NUP133: variants seen among roughly 807,000 people sequenced by gnomAD.
NUP133 encodes the protein nucleoporin 133.
NUP133 carries 66 observed loss-of-function variants against 146.2 expected under a neutral mutation model. That is an observed-to-expected ratio of 0.45 (90% CI 0.37 to 0.55). The LOEUF (loss-of-function observed/expected upper bound fraction) is 0.55, where lower values mean the gene tolerates loss of function less well. Ranked by LOEUF, NUP133 falls within the 20% of genes least tolerant of loss-of-function variation. The pLI is 0.00. For synonymous variants in NUP133, 521 were observed against 498.8 expected (o/e 1.04, Z -0.59); for missense variants, 1,277 against 1,374.8 (o/e 0.93, Z 1.12).
At chr1:229,484,031 A>G (rs751754095) in intron 12 of NUP133, 23 bp downstream of exon 12, 23 of 1,531,326 alleles carry the variant, frequency 1.5e-5, no homozygotes, top group Non-Finnish European at 2.0e-5. Flanking sequence ...AAAATAATCC[A>G]TAATTTAAAA....
intron 4 of NUP133, 28 bp from the exon 5 acceptor site, chr1:229,499,846 A>G: frequency 1.9e-6 from 3 of 1,604,320 alleles, no homozygotes; most frequent in Non-Finnish European, 2.6e-6. Context: ...ACAATCAGCA[A>G]TCACAATAAA....
chr1:229,483,696 CAAAAAA>C (rs35673633), intron 12 of NUP133, among the ~76,000 whole-genome samples: 2 of 57,536 alleles, frequency 3.5e-5, no homozygotes, highest in African/African-American at 1.0e-4. Context: ...CGGAGTGTCT[CAAAAAA>C]AAAAAAAAAA....
At chr1:229,501,931 G>A in intron 3 of NUP133, 68 bp downstream of exon 3, 1 of 1,150,882 alleles carries the variant, frequency 8.7e-7, no homozygotes, top group South Asian at 1.3e-5. Context: ...AAAAAATTAG[G>A]GTAAAAATGA....
chr1:229,484,253 C>A (rs1661291282), intron 11 of NUP133, 108 bp from the exon 12 acceptor site: 3 of 688,140 alleles, frequency 4.4e-6, no homozygotes, highest in African/African-American at 1.8e-5. Flanking sequence ...TATACACGAG[C>A]TGTTTGCCGT....
intron 25 of NUP133, among the ~76,000 whole-genome samples, chr1:229,442,753 G>C (rs951935208): frequency 6.8e-6 from 1 of 146,030 alleles, no homozygotes; most frequent in African/African-American, 2.5e-5. Context: ...TCACTCTGCT[G>C]GCCAGGCAAT....
In NUP133 at chr1:229,475,977, G is replaced by A. The variant is rs151087408; in HGVS notation, c.1757-245C>T. On this transcript the variant is annotated intron_variant, in intron 13 of 25. Coordinates refer to ENST00000261396, the MANE Select transcript of NUP133 (RefSeq NM_018230.3). ...ACAAAAATTAGCTGAGCGTGGTGGC[G>A]CATGCCTGTAGTCCCAGCTACTCAG... Among the ~76,000 whole-genome samples the A allele has an allele frequency of 6.6e-4, 101 of 152,122 alleles. 1 individual carries two copies. In the East Asian group the frequency reaches 9.5e-3, roughly 14 times the overall value.
At position 229,465,448 on chromosome 1, in the gene NUP133, T is replaced by G; in HGVS notation, c.2271A>C (p.Glu757Asp). ...TCCATGGAACATATTCAGGTTCTTT[T>G]TCTAGTGATTCTTCTCTTCTATACA... ...NSLYRREESL[E>D]KEPEYVPWTA... The change falls in exon 17 of 26, where the codon GAA becomes GAC. Residue 757 changes from glutamate to aspartate, a missense_variant. This residue lies in a region of NUP133 where 952 missense variants were observed against 1,047.0 expected (regional missense o/e 0.91). Transcript: ENST00000261396. 1 of 1,613,294 alleles carries G rather than the reference T, an allele frequency of 6.2e-7. No individual in the cohort carries two copies. Among genetic ancestry groups the G allele is most frequent in the Non-Finnish European group, 8.5e-7 (1 of 1,179,298 alleles).
rs146283095 is a variant in NUP133 at position 229,442,578 on chromosome 1, T to C, written c.3335-538A>G. Among the ~76,000 whole-genome samples the C allele has an allele frequency of 6.6e-4, 100 of 152,174 alleles. No individual in the cohort carries two copies. The East Asian group carries it at 0.014, about 22-fold the overall frequency. On this transcript the variant is annotated intron_variant, in intron 25 of 25. Transcript: ENST00000261396. ...ATACACAATTTTCTCATTTGACAAA[T>C]AGAGAAAACTGGATGAAAATTTTCA...
chr1:229,505,659 G>C (rs1661916666), intron 2 of NUP133, among the ~76,000 whole-genome samples: 1 of 151,716 alleles, frequency 6.6e-6, no homozygotes, highest in South Asian at 2.1e-4. Flanking sequence ...GGCCAAGGAG[G>C]GCAGATCACC....
At position 229,487,523 on chromosome 1, in the gene NUP133, A is replaced by C. The variant is rs777252267; in HGVS notation, c.1285T>G (p.Ser429Ala). The C allele has an allele frequency of 6.2e-7, 1 of 1,613,854 alleles. No individual in the cohort carries two copies. Among genetic ancestry groups the C allele is most frequent in the South Asian group, 1.1e-5 (1 of 90,998 alleles). ...LYNESAVYVCSTGTGKFSLPQ... is the reference protein window; with the variant it reads ...LYNESAVYVCATGTGKFSLPQ... ...AGAGAAAATTTCCCAGTTCCTGTGG[A>C]GCACACATAGACAGCACTTTCGTTA... is the stretch of plus-strand genomic sequence containing the variant. Residue 429 changes from serine (S) to alanine (A), a missense_variant, in exon 10 of 26, where the codon TCC (serine) becomes GCC (alanine). Ser to Ala is a moderately conservative substitution (Grantham distance 99, BLOSUM62 1). Transcript: ENST00000261396.
chr1:229,444,523 A>G (rs528191825), intron 25 of NUP133, among the ~76,000 whole-genome samples: 56 of 152,264 alleles, frequency 3.7e-4, no homozygotes, highest in African/African-American at 1.3e-3. Flanking sequence ...AAAGGAAGCT[A>G]CAAATCTGAA....
intron 15 of NUP133, among the ~76,000 whole-genome samples, chr1:229,469,494 T>A (rs1660904148): frequency 6.6e-6 from 1 of 152,080 alleles, no homozygotes. Flanking sequence ...TCAGTGAAGG[T>A]ACTGTTTGCA....
chr1:229,507,841 C>T, intron 1 of NUP133: 5 of 871,902 alleles, frequency 5.7e-6, no homozygotes, highest in Non-Finnish European at 6.9e-6. Flanking sequence ...TACTTCACTT[C>T]TGCACAAAGG....
chr1:229,480,639 G>A (rs975740570), intron 12 of NUP133, among the ~76,000 whole-genome samples: 9 of 152,304 alleles, frequency 5.9e-5, no homozygotes, highest in East Asian at 1.9e-4. Flanking sequence ...AATGTCTGAC[G>A]ATAACTTTGG....
rs151105502 is a variant in NUP133 at position 229,499,724 on chromosome 1, G to A, written c.608C>T (p.Ser203Leu). 45 of 1,613,942 alleles carry A rather than the reference G, an allele frequency of 2.8e-5. No individual in the cohort carries two copies. Among genetic ancestry groups the A allele is most frequent in the African/African-American group, 1.5e-4 (11 of 75,010 alleles). Residue 203 changes from serine (S) to leucine (L), a missense_variant, in exon 5 of 26, where the codon TCG becomes TTG. Physicochemically the swap from Ser to Leu is moderately radical, Grantham distance 145 (BLOSUM62 -2). Transcript: ENST00000261396. ...EDTYTEAFVDSGGDKTYSFLT... is the reference protein window; with the variant it reads ...EDTYTEAFVDLGGDKTYSFLT... ...GAAACTGTAAGTCTTATCACCTCCC[G>A]AATCTACAAAAGCCTCTGTGTAGGT...
At chr1:229,462,183 C>T (rs1005821739) in intron 19 of NUP133, among the ~76,000 whole-genome samples, 1 of 152,146 alleles carries the variant, frequency 6.6e-6, no homozygotes, top group African/African-American at 2.4e-5. Flanking sequence ...CTTGCCCAGC[C>T]CAACAACTGA....
At chr1:229,495,150 ATGCTGAGGCAGGAGGGT>A (rs1661625338) in intron 8 of NUP133, among the ~76,000 whole-genome samples, 1 of 152,182 alleles carries the variant, frequency 6.6e-6, no homozygotes, top group Non-Finnish European at 1.5e-5. Context: ...ATACTTTGGG[ATGCTGAGGCAGGAGGGT>A]TGCTTGAGCC....
chr1:229,493,569 A>G (rs1482412489), intron 8 of NUP133, among the ~76,000 whole-genome samples: 1 of 152,236 alleles, frequency 6.6e-6, no homozygotes, highest in Non-Finnish European at 1.5e-5. Flanking sequence ...GACAGACACT[A>G]TTCTTAAAAT....
At position 229,441,992 on chromosome 1, in the gene NUP133, G is replaced by T. The variant is rs760355146; in HGVS notation, c.3383C>A (p.Ala1128Glu). The T allele has an allele frequency of 4.1e-5, 65 of 1,589,798 alleles. No individual in the cohort carries two copies. Among genetic ancestry groups the T allele is most frequent in the Non-Finnish European group, 4.9e-5 (58 of 1,173,544 alleles). The change falls in exon 26 of 26, where the codon GCG becomes GAG. Residue 1128 changes from alanine to glutamate, a missense_variant. Physicochemically the swap from Ala to Glu is moderately radical, Grantham distance 107. Coordinates refer to ENST00000261396, the MANE Select transcript of NUP133 (RefSeq NM_018230.3). ...GGACTTTAAGCTTCCAAGCTGATCC[G>T]CTTGTAGCAGGTCTTTCACCTCCGG... ...YLPEVKDLLQ[A>E]DQLGSLKSNP...
Sources: gnomAD v4.1 joint callset for allele counts (sites outside exome capture counted in the v4.1 genomes callset) on GRCh38, gnomAD v4.1.1 for gene constraint, gnomAD v4.1.1 regional missense constraint, MANE v1.5 for transcripts, NCBI Gene and HGNC (gene_info 2026-07-23, HGNC 2026-07-21) for gene names.